Variants in MTDH observed in about 807,000 individuals in gnomAD.
The protein encoded by MTDH is protein LYRIC.
A neutral mutation model predicts 72.7 loss-of-function variants in MTDH; 34 were observed. The observed-to-expected ratio is 0.47, with a 90% confidence interval of 0.36 to 0.62. The LOEUF is 0.62. MTDH is among the 20% of genes least tolerant of loss of function. The pLI is 0.00. For synonymous variants in MTDH, 266 were observed against 268.9 expected (o/e 0.99, Z 0.10); for missense variants, 677 against 699.4 (o/e 0.97, Z 0.36).
intron 6 of MTDH, among the ~76,000 whole-genome samples, chr8:97,697,381 G>GTTT (rs755015450): frequency 9.4e-4 from 75 of 80,194 alleles, no homozygotes; most frequent in Non-Finnish European, 1.1e-3. Flanking sequence ...TATTATTTCG[G>GTTT]TTTTTTTTTT....
intron 7 of MTDH, among the ~76,000 whole-genome samples, chr8:97,703,489 A>AAACTTTCTTCT (rs1814221342): frequency 6.6e-6 from 1 of 152,210 alleles, no homozygotes; most frequent in East Asian, 1.9e-4. Context: ...TCTGCTTAAT[A>AAACTTTCTTCT]GTTTCTTTTC....
At chr8:97,707,928 G>A (rs1814430660) in intron 8 of MTDH, among the ~76,000 whole-genome samples, 1 of 150,666 alleles carries the variant, frequency 6.6e-6, no homozygotes, top group African/African-American at 2.4e-5. Flanking sequence ...GCCAGAAGAG[G>A]ATCAAGAAGC....
chr8:97,672,770 T>G (rs1273181008), intron 2 of MTDH, among the ~76,000 whole-genome samples: 5 of 152,192 alleles, frequency 3.3e-5, no homozygotes, highest in Non-Finnish European at 7.3e-5. Flanking sequence ...TTTATTAGTT[T>G]GTTGGGAATG....
At chr8:97,710,517 C>T (rs1430289454) in intron 8 of MTDH, among the ~76,000 whole-genome samples, 3 of 139,758 alleles carry the variant, frequency 2.1e-5, no homozygotes, top group East Asian at 4.3e-4. Flanking sequence ...TGGTGAACCC[C>T]GTCTCTACTA....
At chr8:97,674,958 G>C (rs938449506) in intron 2 of MTDH, among the ~76,000 whole-genome samples, 1 of 152,012 alleles carries the variant, frequency 6.6e-6, no homozygotes, top group African/African-American at 2.4e-5. Flanking sequence ...CTACAGGCAT[G>C]CACCACCACA....
rs1007950613 is a variant in MTDH at position 97,661,219 on chromosome 8, A to G, written c.483+46A>G. On this transcript the variant is annotated intron_variant, in intron 2 of 11. Coordinates refer to ENST00000336273, the MANE Select transcript of MTDH (RefSeq NM_178812.4). ...AATTGTATGCAAGACTCTTAATAGA[A>G]TGACATATAAGGATAATGCTTTTCT... The G allele has an allele frequency of 2.3e-6, 3 of 1,332,208 alleles. No homozygotes were observed. The Admixed American group carries it at 5.7e-5, about 25-fold the overall frequency. 82.5% of individuals were successfully genotyped at this position (1,332,208 alleles called of 1,614,324 possible).
chr8:97,651,009 A>C (rs1014356083), intron 1 of MTDH, among the ~76,000 whole-genome samples: 1 of 152,222 alleles, frequency 6.6e-6, no homozygotes, highest in Admixed American at 6.5e-5. Flanking sequence ...CACAAAACGC[A>C]TTACTAGTGG....
In MTDH at chr8:97,722,930, T is replaced by A; in HGVS notation, c.1573T>A (p.Ser525Thr). 6.2e-7 allele frequency: 1 copy of A among 1,614,068 alleles called. No homozygotes were observed. Residue 525 changes from serine to threonine, a missense_variant, in exon 11 of 12, where the codon TCA (serine) becomes ACA (threonine). By Grantham distance (58) the Ser-to-Thr change is moderately conservative. Around this residue, in one of 3 missense-constraint regions of MTDH, gnomAD observed 201 missense variants for 204.5 expected, o/e 0.98. Transcript: ENST00000336273. ...TTCTACCGAGCCATCTGTAATCTTA[T>A]CAAAAAGTGATTCTGACAAGAGCTC... Reference protein sequence around the residue: ...ATSTEPSVILSKSDSDKSSSQ... With the variant: ...ATSTEPSVILTKSDSDKSSSQ...
chr8:97,651,006 C>T (rs894735516), intron 1 of MTDH, among the ~76,000 whole-genome samples: 2 of 152,200 alleles, frequency 1.3e-5, no homozygotes, highest in Non-Finnish European at 2.9e-5. Flanking sequence ...GAGCACAAAA[C>T]GCATTACTAG....
chr8:97,648,083 G>A (rs773637994), intron 1 of MTDH, among the ~76,000 whole-genome samples: 1 of 152,010 alleles, frequency 6.6e-6, no homozygotes, highest in South Asian at 2.1e-4. Context: ...AAATAGTGGC[G>A]AAATCTGTAT....
intron 8 of MTDH, among the ~76,000 whole-genome samples, chr8:97,712,320 A>C (rs567103785): frequency 2.6e-5 from 4 of 152,324 alleles, no homozygotes; most frequent in Admixed American, 2.0e-4. Flanking sequence ...TGCAGGCTTC[A>C]GCCACTGCTC....
Position 97,726,030 on chromosome 8 carries a change from G to C in MTDH, c.*1360G>C, listed in dbSNP as rs1191448737. 2 of 152,610 alleles carry C rather than the reference G, an allele frequency of 1.3e-5. No homozygotes were observed. Among genetic ancestry groups the C allele is most frequent in the Non-Finnish European group, 1.5e-5 (1 of 68,034 alleles). 9.5% of individuals were successfully genotyped at this position (152,610 alleles called of 1,614,324 possible). A position where few individuals can be genotyped will look rare whatever the true frequency, so the allele number is the denominator to read the frequency against. ...GCGCCAAGAACGAACCTGTTTAACA[G>C]CTGTAACCAATGGTACTGATCTATC... On this transcript the variant is annotated 3_prime_UTR_variant, in exon 12 of 12. Transcript: ENST00000336273.
chr8:97,661,068 G>A lies in MTDH; in HGVS notation c.382-4G>A. The A allele has an allele frequency of 6.2e-7, 1 of 1,611,494 alleles. No homozygotes were observed. Among genetic ancestry groups the A allele is most frequent in the South Asian group, 1.1e-5 (1 of 90,642 alleles). The stretch of plus-strand genomic sequence containing the variant: ...TAATATGATACTTTTTGTTGCCTGT[G>A]CAGCCAAATGGGCGGACTGTTGAAG... On this transcript the variant is annotated splice_region_variant and splice_polypyrimidine_tract_variant and intron_variant, in intron 1 of 11. Transcript: ENST00000336273.
chr8:97,666,900 T>A (rs1045321898), intron 2 of MTDH, among the ~76,000 whole-genome samples: 17 of 152,196 alleles, frequency 1.1e-4, no homozygotes, highest in Admixed American at 2.6e-4. Context: ...TTTCACTGTG[T>A]TGGCCAGGCT....
chr8:97,676,374 A>G (rs1038533459), intron 2 of MTDH, among the ~76,000 whole-genome samples: 5 of 152,240 alleles, frequency 3.3e-5, no homozygotes, highest in African/African-American at 1.2e-4. Flanking sequence ...TTTTGATACT[A>G]TACAGATAAT....
chr8:97,700,064 A>G (rs924519889), intron 7 of MTDH, among the ~76,000 whole-genome samples: 6 of 152,228 alleles, frequency 3.9e-5, no homozygotes, highest in Non-Finnish European at 8.8e-5. Context: ...ATATTTAAAC[A>G]AAGTTTTCTT....
At chr8:97,696,168 G>A (rs1412407791) in intron 6 of MTDH, 2 of 847,090 alleles carry the variant, frequency 2.4e-6, no homozygotes, top group African/African-American at 3.7e-5. Flanking sequence ...TCTGATGCAA[G>A]TTGAAGGTTC....
chr8:97,687,150 A>G (rs551293398), intron 3 of MTDH, among the ~76,000 whole-genome samples: 1 of 152,234 alleles, frequency 6.6e-6, no homozygotes, highest in South Asian at 2.1e-4. Flanking sequence ...CAAGATAAAA[A>G]AAGATAGACA....
chr8:97,704,635 A>T (rs1814273277), intron 7 of MTDH, among the ~76,000 whole-genome samples: 1 of 151,726 alleles, frequency 6.6e-6, no homozygotes, highest in Non-Finnish European at 1.5e-5. Flanking sequence ...TATATATATT[A>T]TATACATATA....
Sources: allele counts gnomAD v4.1 joint callset (sites outside exome capture counted in the v4.1 genomes callset), GRCh38; gene constraint gnomAD v4.1.1; regional missense constraint gnomAD v4.1.1; transcripts MANE v1.5; gene names NCBI Gene and HGNC (gene_info 2026-07-23, HGNC 2026-07-21).